The following CCSER1 variants were observed in gnomAD, a reference collection of about 807,000 sequenced individuals.
CCSER1 encodes serine-rich coiled-coil domain-containing protein 1.
A neutral mutation model predicts 82.0 loss-of-function variants in CCSER1; 41 were observed. That is an observed-to-expected ratio of 0.50 (90% CI 0.39 to 0.65). CCSER1 has a LOEUF of 0.65. Among genes scored for constraint, CCSER1 ranks in the 30% least tolerant of loss-of-function variants. The pLI is 0.00. For synonymous variants in CCSER1, 414 were observed against 383.9 expected, an observed-to-expected ratio of 1.08 and a Z score of -0.92; for missense variants, 1,119 against 1,064.2, an observed-to-expected ratio of 1.05 and a Z score of -0.72.
At chr4:90,945,266 TTA>T (rs1462810820) in intron 9 of CCSER1, among the ~76,000 whole-genome samples, 1 of 152,130 alleles carries the variant, frequency 6.6e-6, no homozygotes, top group Admixed American at 6.5e-5. Context: ...ATATTTTAAA[TTA>T]GAGGTATTTT....
At chr4:90,355,670 A>C (rs1744255581) in intron 3 of CCSER1, among the ~76,000 whole-genome samples, 2 of 151,986 alleles carry the variant, frequency 1.3e-5, no homozygotes, top group Admixed American at 1.3e-4. Flanking sequence ...GACAGTAGAG[A>C]ATATGAACAG....
chr4:90,157,666 C>T (rs182508393), intron 1 of CCSER1, among the ~76,000 whole-genome samples: 4,435 of 152,258 alleles, frequency 0.029, 103 homozygotes, highest in South Asian at 0.061. Flanking sequence ...TTGATTGCAT[C>T]GGCTCCTGAG....
At position 91,006,624 on chromosome 4, in the gene CCSER1, G is replaced by T. The variant is rs1437674930; in HGVS notation, c.2173-79326G>T. On this transcript the variant is annotated intron_variant, in intron 9 of 10. Transcript: ENST00000509176. ...CCTGCCTCAGCCTCCCGAGTAGCTG[G>T]GACTACAGGTGCCCACCACCATGTC... Among the ~76,000 whole-genome samples the T allele has an allele frequency of 2.6e-5, 4 of 151,776 alleles. No homozygotes were observed. In the East Asian group the frequency reaches 7.7e-4, roughly 29 times the overall value.
chr4:91,425,088 A>C, intron 10 of CCSER1, among the ~76,000 whole-genome samples: 1 of 152,242 alleles, frequency 6.6e-6, no homozygotes, highest in East Asian at 1.9e-4. Flanking sequence ...TTATATATTT[A>C]AGAAATTAAT....
At chr4:90,488,167 T>TTTTTA (rs942169082) in intron 5 of CCSER1, among the ~76,000 whole-genome samples, 6 of 152,266 alleles carry the variant, frequency 3.9e-5, no homozygotes, top group Admixed American at 3.3e-4. Flanking sequence ...GTCCTCTCTA[T>TTTTTA]TTTTATTTTA....
chr4:91,238,066 C>A (rs1482247062), intron 10 of CCSER1, among the ~76,000 whole-genome samples: 1 of 152,030 alleles, frequency 6.6e-6, no homozygotes, highest in Non-Finnish European at 1.5e-5. Flanking sequence ...AAAGATGACC[C>A]CCAATGACCC....
chr4:91,043,361 G>A (rs1742141922), intron 9 of CCSER1, among the ~76,000 whole-genome samples: 1 of 151,922 alleles, frequency 6.6e-6, no homozygotes, highest in South Asian at 2.1e-4. Context: ...AGAGAAAGAA[G>A]CAATTAGAGA....
At chr4:90,889,456 A>G (rs1460470310) in intron 8 of CCSER1, among the ~76,000 whole-genome samples, 1 of 152,148 alleles carries the variant, frequency 6.6e-6, no homozygotes, top group Admixed American at 6.6e-5. Context: ...CCTTACTCAG[A>G]TGATTAATTT....
chr4:90,846,068 A>G (rs1378618000), intron 8 of CCSER1, among the ~76,000 whole-genome samples: 1 of 152,222 alleles, frequency 6.6e-6, no homozygotes, highest in East Asian at 1.9e-4. Flanking sequence ...TTCTATAACA[A>G]ACTGAAGGGT....
At chr4:91,212,648 A>AC (rs1736913967) in intron 10 of CCSER1, among the ~76,000 whole-genome samples, 2 of 152,174 alleles carry the variant, frequency 1.3e-5, no homozygotes, top group African/African-American at 4.8e-5. Context: ...TGAGGGTAAA[A>AC]GAAAAAGTGA....
chr4:90,292,317 G>A (rs114754904), intron 1 of CCSER1, among the ~76,000 whole-genome samples: 2,188 of 151,962 alleles, frequency 0.014, 34 homozygotes, highest in African/African-American at 0.043. Flanking sequence ...GAGTATATAT[G>A]TGTGTATGTA....
At chr4:90,963,532 A>C (rs1445428282) in intron 9 of CCSER1, among the ~76,000 whole-genome samples, 1 of 152,116 alleles carries the variant, frequency 6.6e-6, no homozygotes, top group Non-Finnish European at 1.5e-5. Flanking sequence ...ACATTAAATT[A>C]AGTCATTTAA....
chr4:91,099,052 A>G (rs1724797619), intron 10 of CCSER1, among the ~76,000 whole-genome samples: 2 of 152,220 alleles, frequency 1.3e-5, no homozygotes. Flanking sequence ...AATAAAAAGA[A>G]TCTTCCATAA....
intron 10 of CCSER1, among the ~76,000 whole-genome samples, chr4:91,234,202 G>T (rs910439670): frequency 2.8e-4 from 43 of 151,910 alleles, no homozygotes; most frequent in Admixed American, 2.7e-3. Flanking sequence ...TTCCAGTCAG[G>T]TCTCCTTGTT....
intron 10 of CCSER1, among the ~76,000 whole-genome samples, chr4:91,175,354 G>T (rs9759401): frequency 0.71 from 108,160 of 152,046 alleles, 38,941 homozygotes; most frequent in Non-Finnish European, 0.78. Context: ...GGGATCACTG[G>T]CTCAAATGGT....
intron 1 of CCSER1, among the ~76,000 whole-genome samples, chr4:90,143,491 T>TACACACACACACACACACACACACAC (rs56859054): frequency 4.2e-5 from 6 of 141,406 alleles, no homozygotes; most frequent in East Asian, 2.0e-4. Context: ...AGTACACACA[T>TACACACACACACACACACACACACAC]ACACACACAC....
chr4:90,902,965 C>G (rs1322264405), intron 8 of CCSER1, among the ~76,000 whole-genome samples: 4 of 152,058 alleles, frequency 2.6e-5, no homozygotes, highest in Admixed American at 2.6e-4. Context: ...ATGCCCCTCT[C>G]ACAGGGCACA....
intron 6 of CCSER1, chr4:90,641,965 G>A (rs907997947): frequency 1.2e-4 from 40 of 344,528 alleles, no homozygotes; most frequent in Admixed American, 1.1e-3. Flanking sequence ...CAGCATTAAT[G>A]TTTCACTTGT....
At chr4:90,946,904 G>T (rs1331094690) in intron 9 of CCSER1, among the ~76,000 whole-genome samples, 2 of 152,074 alleles carry the variant, frequency 1.3e-5, no homozygotes, top group African/African-American at 4.8e-5. Flanking sequence ...ATCAAATATT[G>T]ATTTCTTGCT....
Sources: allele counts gnomAD v4.1 joint callset (sites outside exome capture counted in the v4.1 genomes callset), GRCh38; gene constraint gnomAD v4.1.1; transcripts MANE v1.5; gene names NCBI Gene and HGNC (gene_info 2026-07-23, HGNC 2026-07-21).